The following CSMD1 variants were observed in gnomAD, a reference collection of about 807,000 sequenced individuals.
CSMD1 encodes CUB and Sushi multiple domains 1.
A neutral mutation model predicts 417.5 loss-of-function variants in CSMD1; 213 were observed. The ratio of observed to expected loss-of-function variants is 0.51; its 90% CI spans 0.46 to 0.57. The LOEUF (loss-of-function observed/expected upper bound fraction) is 0.57. CSMD1 is among the 20% of genes least tolerant of loss of function. The pLI, the probability that CSMD1 is intolerant of heterozygous loss-of-function variation, is 0.00. For synonymous variants in CSMD1, 2,862 were observed against 1,736.8 expected (o/e 1.65, Z -16.11); for missense variants, 6,923 against 4,529.7 (o/e 1.53, Z -15.17).
At chr8:4,932,997 C>A (rs1415160109) in intron 1 of CSMD1, among the ~76,000 whole-genome samples, 1 of 152,148 alleles carries the variant, frequency 6.6e-6, no homozygotes, top group Non-Finnish European at 1.5e-5. Flanking sequence ...AAGAAACTTA[C>A]AATAAACATT....
intron 29 of CSMD1, among the ~76,000 whole-genome samples, chr8:3,215,955 C>A (rs370426719): frequency 1.3e-5 from 2 of 150,378 alleles, no homozygotes; most frequent in Admixed American, 6.6e-5. Context: ...ACTTAATCAT[C>A]GTATACATTA....
At chr8:3,871,013 T>TA (rs989290103) in intron 5 of CSMD1, among the ~76,000 whole-genome samples, 1 of 152,034 alleles carries the variant, frequency 6.6e-6, no homozygotes, top group Admixed American at 6.6e-5. Context: ...ATAATTTTTT[T>TA]AAAAAAATTC....
intron 10 of CSMD1, among the ~76,000 whole-genome samples, chr8:3,524,518 T>G (rs1003274115): frequency 1.5e-5 from 2 of 133,952 alleles, no homozygotes; most frequent in Admixed American, 1.5e-4. Context: ...GATGCACACA[T>G]GCAAAGACAT....
chr8:3,284,084 T>C, intron 26 of CSMD1, 60 bp downstream of exon 26: 1 of 1,276,126 alleles, frequency 7.8e-7, no homozygotes, highest in Admixed American at 2.0e-5. Flanking sequence ...TGGAGGGAGA[T>C]CTGTGTTCAT....
chr8:3,898,619 C>T (rs939297524), intron 5 of CSMD1, among the ~76,000 whole-genome samples: 9 of 152,118 alleles, frequency 5.9e-5, no homozygotes, highest in African/African-American at 2.2e-4. Context: ...TTTACTAAAT[C>T]AAAGGTGCAC....
At chr8:3,991,113 G>A (rs1285829740) in intron 5 of CSMD1, among the ~76,000 whole-genome samples, 1 of 152,196 alleles carries the variant, frequency 6.6e-6, no homozygotes, top group Non-Finnish European at 1.5e-5. Context: ...CACGAGCCGA[G>A]AGAAAAGGTA....
At chr8:4,770,809 A>G (rs552953842) in intron 1 of CSMD1, among the ~76,000 whole-genome samples, 1 of 152,290 alleles carries the variant, frequency 6.6e-6, no homozygotes, top group Non-Finnish European at 1.5e-5. Context: ...AAATCAACTC[A>G]AAATGAATAA....
intron 12 of CSMD1, among the ~76,000 whole-genome samples, chr8:3,414,984 T>A (rs1813040424): frequency 6.6e-6 from 1 of 152,190 alleles, no homozygotes. Flanking sequence ...CTGTAAGCCC[T>A]GGCAGGGTCT....
chr8:4,062,420 T>C (rs1025737698), intron 3 of CSMD1, among the ~76,000 whole-genome samples: 5 of 152,098 alleles, frequency 3.3e-5, no homozygotes, highest in African/African-American at 2.4e-5. Context: ...TACATACGTA[T>C]TCTAGAAATT....
chr8:4,543,786 C>T (rs2130528396), intron 2 of CSMD1, among the ~76,000 whole-genome samples: 1 of 150,718 alleles, frequency 6.6e-6, no homozygotes, highest in South Asian at 2.1e-4. Flanking sequence ...TTCATATTCT[C>T]ACCAGCATTT....
intron 3 of CSMD1, among the ~76,000 whole-genome samples, chr8:4,355,025 G>A (rs543568819): frequency 6.6e-6 from 1 of 151,932 alleles, no homozygotes; most frequent in African/African-American, 2.4e-5. Flanking sequence ...CACTTTGGGA[G>A]GCCGAGGCGG....
intron 7 of CSMD1, among the ~76,000 whole-genome samples, chr8:3,674,745 C>T (rs1027287198): frequency 6.6e-6 from 1 of 152,098 alleles, no homozygotes; most frequent in African/African-American, 2.4e-5. Context: ...GCCCTTCATC[C>T]CAACTTCACT....
chr8:4,809,995 T>C (rs1292662351), intron 1 of CSMD1, among the ~76,000 whole-genome samples: 1 of 152,216 alleles, frequency 6.6e-6, no homozygotes, highest in Non-Finnish European at 1.5e-5. Context: ...GTCAGGAATA[T>C]CAAGTGAATA....
rs1429882037 is a variant in CSMD1, at chr8:4,132,195, T to C, written c.416-100096A>G. ...ATGCGGGTAAAATTTGTCATGGATTTTTTTTTTTTTTTTTTTTTTTCACGG... is the reference window on the plus strand; with the variant it reads ...ATGCGGGTAAAATTTGTCATGGATTCTTTTTTTTTTTTTTTTTTTTCACGG... On this transcript the variant is annotated intron_variant, in intron 3 of 69. Coordinates refer to ENST00000635120, the MANE Select transcript of CSMD1 (RefSeq NM_033225.6). Among the ~76,000 whole-genome samples the C allele has an allele frequency of 1.2e-4, 3 of 24,400 alleles. No homozygotes were observed. The Admixed American group carries it at 2.0e-3, about 17-fold the overall frequency. 16.0% of individuals were successfully genotyped at this position (24,400 alleles called of 152,430 possible). A position where few individuals can be genotyped will look rare whatever the true frequency, so the allele number is the denominator to read the frequency against.
chr8:3,276,063 T>C (rs547676179), intron 26 of CSMD1, among the ~76,000 whole-genome samples: 7 of 152,372 alleles, frequency 4.6e-5, no homozygotes, highest in Admixed American at 2.0e-4. Flanking sequence ...TGTGGTTTTA[T>C]CTACTTTTGG....
chr8:4,018,053 G>C (rs910404581), intron 4 of CSMD1, among the ~76,000 whole-genome samples: 1 of 146,594 alleles, frequency 6.8e-6, no homozygotes, highest in African/African-American at 2.7e-5. Flanking sequence ...TGTCACTAGT[G>C]TGGGTATGTA....
intron 25 of CSMD1, among the ~76,000 whole-genome samples, chr8:3,305,958 G>A (rs1298208886): frequency 6.6e-6 from 1 of 152,110 alleles, no homozygotes; most frequent in East Asian, 1.9e-4. Context: ...GGGATTACAG[G>A]CATGAGCCAC....
At chr8:4,715,820 C>T (rs184131747) in intron 1 of CSMD1, among the ~76,000 whole-genome samples, 81 of 152,308 alleles carry the variant, frequency 5.3e-4, no homozygotes, top group Non-Finnish European at 4.4e-4. Context: ...AGCACTACCC[C>T]TCTGGACCAA....
At chr8:4,299,671 G>A (rs181869256) in intron 3 of CSMD1, among the ~76,000 whole-genome samples, 48 of 152,158 alleles carry the variant, frequency 3.2e-4, no homozygotes, top group African/African-American at 7.2e-5. Context: ...GTCTCATTCT[G>A]TCGCCAGGCT....
Sources: gnomAD v4.1 joint callset for allele counts (sites outside exome capture counted in the v4.1 genomes callset) on GRCh38, gnomAD v4.1.1 for gene constraint, MANE v1.5 for transcripts, NCBI Gene and HGNC (gene_info 2026-07-23, HGNC 2026-07-21) for gene names.